The following ANXA8 variants were observed in gnomAD, a reference collection of about 807,000 sequenced individuals.
ANXA8 encodes the protein VAC-beta.
ANXA8 carries 9 observed loss-of-function variants against 26.8 expected under a neutral mutation model. The ratio of observed to expected loss-of-function variants is 0.34; its 90% CI spans 0.20 to 0.59. The LOEUF (loss-of-function observed/expected upper bound fraction) is 0.59, where lower values mean the gene tolerates loss of function less well. ANXA8 is among the 20% of genes least tolerant of loss of function. The pLI is 0.84. For missense variants in ANXA8, 83 were observed against 238.5 expected (o/e 0.35, Z 4.29); for synonymous variants, 39 against 94.8 (o/e 0.41, Z 3.42).
At chr10:47,693,351 G>GCGATGT in the ANXA8 span, among the ~76,000 whole-genome samples, 25 of 150,410 alleles carry the variant, frequency 1.7e-4, no homozygotes, top group East Asian at 1.8e-3. Flanking sequence ...GTGCAGTGGC[G>GCGATGT]CGATGTCTGC....
chr10:47,469,687 C>T (rs1364914941), intron 11 of ANXA8, among the ~76,000 whole-genome samples: 30 of 151,210 alleles, frequency 2.0e-4, no homozygotes, highest in African/African-American at 6.6e-4. Context: ...TTGAGGACAG[C>T]GGGGCCAAGA....
the ANXA8 span, among the ~76,000 whole-genome samples, chr10:47,744,283 T>C: frequency 1.3e-5 from 2 of 149,944 alleles, no homozygotes; most frequent in Non-Finnish European, 3.0e-5. Context: ...ATAATGACAG[T>C]ATTTTTAGAC....
chr10:47,487,064 G>A (rs1840062080), upstream of ANXA8, among the ~76,000 whole-genome samples: 1 of 151,588 alleles, frequency 6.6e-6, no homozygotes, highest in African/African-American at 2.4e-5. Context: ...AAATATTCAA[G>A]GTGATAGACA....
the ANXA8 span, among the ~76,000 whole-genome samples, chr10:47,498,985 C>G: frequency 7.2e-6 from 1 of 139,400 alleles, no homozygotes; most frequent in Non-Finnish European, 1.5e-5. Flanking sequence ...GCCTGTAATC[C>G]CAGTTACTCG....
the ANXA8 span, among the ~76,000 whole-genome samples, chr10:47,572,332 C>T: frequency 2.7e-5 from 4 of 146,174 alleles, no homozygotes; most frequent in Admixed American, 6.9e-5. Context: ...ATTACCCTTT[C>T]ATCTCCTACT....
the ANXA8 span, among the ~76,000 whole-genome samples, chr10:47,676,840 C>T: frequency 6.8e-6 from 1 of 146,774 alleles, no homozygotes; most frequent in Non-Finnish European, 1.5e-5. Flanking sequence ...ATCACTTGAA[C>T]CCAGGAGGTG....
At chr10:47,755,453 C>A in the ANXA8 span, among the ~76,000 whole-genome samples, 1 of 151,158 alleles carries the variant, frequency 6.6e-6, no homozygotes, top group Non-Finnish European at 1.5e-5. Context: ...GACGTGGTTT[C>A]ACTGTGTTAG....
chr10:47,528,120 C>T, the ANXA8 span, among the ~76,000 whole-genome samples: 1 of 135,972 alleles, frequency 7.4e-6, no homozygotes. Flanking sequence ...TGCTCTGTCA[C>T]CCAGGCTGGA....
chr10:47,675,363 A>G, the ANXA8 span, among the ~76,000 whole-genome samples: 66 of 150,920 alleles, frequency 4.4e-4, 1 homozygote, highest in African/African-American at 1.5e-3. Context: ...TCAGCCACCC[A>G]TTTACTTAAT....
chr10:47,659,897 G>A, the ANXA8 span, among the ~76,000 whole-genome samples: 65 of 151,434 alleles, frequency 4.3e-4, no homozygotes, highest in African/African-American at 1.4e-3. Context: ...GCTGGGAGTA[G>A]AGGTGTGCTC....
At chr10:47,510,394 T>C in the ANXA8 span, 8 of 1,386,308 alleles carry the variant, frequency 5.8e-6, 1 homozygote, top group South Asian at 3.9e-5. Context: ...TGTGGTATCA[T>C]GTGCAATCTA....
the ANXA8 span, among the ~76,000 whole-genome samples, chr10:47,982,312 A>AC: frequency 2.0e-5 from 3 of 149,750 alleles, no homozygotes; most frequent in Non-Finnish European, 4.5e-5. Context: ...AAACAAAACA[A>AC]CCCCCCCAAA....
chr10:47,660,053 C>T, the ANXA8 span, among the ~76,000 whole-genome samples: 6 of 147,210 alleles, frequency 4.1e-5, 1 homozygote, highest in African/African-American at 1.6e-4. Context: ...CCAAGCCCGG[C>T]CTGAATCCTG....
the ANXA8 span, among the ~76,000 whole-genome samples, chr10:47,988,740 G>C: frequency 1.3e-5 from 2 of 151,182 alleles, no homozygotes; most frequent in Admixed American, 1.3e-4. Context: ...GCCTAAGGGG[G>C]CCCAGAGAGT....
At chr10:47,595,689 G>A in the ANXA8 span, among the ~76,000 whole-genome samples, 1 of 148,418 alleles carries the variant, frequency 6.7e-6, no homozygotes, top group Admixed American at 6.6e-5. Flanking sequence ...ATGACAAAGG[G>A]CTCAATTCAA....
At chr10:47,667,667 C>T in the ANXA8 span, among the ~76,000 whole-genome samples, 1 of 151,802 alleles carries the variant, frequency 6.6e-6, no homozygotes, top group Non-Finnish European at 1.5e-5. Context: ...ATTCTGGTGC[C>T]TCAGCCTACC....
At chr10:47,627,098 C>T in the ANXA8 span, among the ~76,000 whole-genome samples, 2 of 149,474 alleles carry the variant, frequency 1.3e-5, no homozygotes, top group Non-Finnish European at 2.9e-5. Context: ...CAATAGAATT[C>T]ATTGTTAAAA....
the ANXA8 span, among the ~76,000 whole-genome samples, chr10:47,528,082 G>T: frequency 1.6e-5 from 2 of 127,866 alleles, no homozygotes; most frequent in African/African-American, 5.7e-5. Context: ...TTAACAGAAT[G>T]TTTTTTTTTT....
chr10:47,504,869 T>C, the ANXA8 span, among the ~76,000 whole-genome samples: 1 of 132,042 alleles, frequency 7.6e-6, no homozygotes, highest in African/African-American at 2.7e-5. Context: ...TTTTTTTTTT[T>C]TTTTGAGACC....
Sources: allele counts gnomAD v4.1 joint callset (sites outside exome capture counted in the v4.1 genomes callset), GRCh38; gene constraint gnomAD v4.1.1; transcripts MANE v1.5; gene names NCBI Gene and HGNC (gene_info 2026-07-23, HGNC 2026-07-21).